SERPINB7: variants seen among roughly 807,000 people sequenced by gnomAD.
The protein encoded by SERPINB7 is serpin family B member 7.
SERPINB7 carries 31 observed loss-of-function variants against 37.4 expected under a neutral mutation model. That is an observed-to-expected ratio of 0.83 (90% CI 0.62 to 1.12). The LOEUF is 1.12. Ranked by LOEUF, SERPINB7 falls within the 50% of genes most tolerant of loss-of-function variation. The pLI is 0.00. For missense variants in SERPINB7, 521 were observed against 455.3 expected, an observed-to-expected ratio of 1.14 and a Z score of -1.31; for synonymous variants, 163 against 166.1, an observed-to-expected ratio of 0.98 and a Z score of 0.14.
At chr18:63,803,476 C>T (rs1490274140) in intron 7 of SERPINB7, among the ~76,000 whole-genome samples, 1 of 152,148 alleles carries the variant, frequency 6.6e-6, no homozygotes, top group Non-Finnish European at 1.5e-5. Context: ...GAAAAATCTT[C>T]TTATTCTAAA....
At position 63,792,399 on chromosome 18, in the gene SERPINB7, C is replaced by A; in HGVS notation, c.175C>A (p.His59Asn). The change falls in exon 3 of 8, where the codon CAT (histidine) becomes AAT (asparagine). Residue 59 changes from histidine (H) to asparagine (N), a missense_variant. By Grantham distance (68) the His-to-Asn change is moderately conservative. Transcript: ENST00000398019. ...DSLSQIDKLL[H>N]VNTASGYGNS... is the part of the protein sequence containing the mutation. ...CCTTGTGCCCTGTTTACAGTTGCTT[C>A]ATGTTAACACTGCCTCAGGATATGG... The A allele has an allele frequency of 1.9e-6, 3 of 1,601,102 alleles. No individual in the cohort carries two copies. In the South Asian group the frequency reaches 3.3e-5, roughly 18 times the overall value.
intron 4 of SERPINB7, among the ~76,000 whole-genome samples, chr18:63,795,627 A>C (rs1032407102): frequency 6.6e-6 from 1 of 152,058 alleles, no homozygotes; most frequent in Non-Finnish European, 1.5e-5. Flanking sequence ...AACCTAGAGA[A>C]GATATCTGTC....
Position 63,775,510 on chromosome 18 carries a change from A to G in SERPINB7, c.-225A>G, listed in dbSNP as rs1035533832. On this transcript the variant is annotated 5_prime_UTR_variant, in exon 1 of 8. Transcript: ENST00000398019. ...AGAATTTTAGAACAAATTTTTGTCT[A>G]GAAATGCTGACTTTGGTTCATTAGG... The G allele has an allele frequency of 5.3e-5, 8 of 152,192 alleles. No homozygotes were observed. The highest frequency in any genetic ancestry group is 1.9e-4 in the African/African-American group (8 of 41,450). 9.4% of individuals were successfully genotyped at this position (152,192 alleles called of 1,614,324 possible).
chr18:63,783,222 G>GAA (rs1568207779), intron 2 of SERPINB7, among the ~76,000 whole-genome samples: 36 of 67,342 alleles, frequency 5.3e-4, no homozygotes, highest in African/African-American at 1.5e-3. Context: ...GAGAGAGAGA[G>GAA]AGAGAGAGAG....
At chr18:63,787,268 C>A (rs1377402132) in intron 2 of SERPINB7, among the ~76,000 whole-genome samples, 1 of 152,054 alleles carries the variant, frequency 6.6e-6, no homozygotes, top group African/African-American at 2.4e-5. Context: ...TGTCTTTAGT[C>A]ATGGTAGTTT....
At chr18:63,771,395 T>A (rs1300902990), upstream of SERPINB7, among the ~76,000 whole-genome samples, 1 of 152,052 alleles carries the variant, frequency 6.6e-6, no homozygotes, top group Non-Finnish European at 1.5e-5. Context: ...ATTCTCAGGT[T>A]TTACTTTTAT....
At chr18:63,758,317 A>G (rs1465883347) in intron 1 of SERPINB7, among the ~76,000 whole-genome samples, 2 of 152,202 alleles carry the variant, frequency 1.3e-5, no homozygotes, top group Non-Finnish European at 2.9e-5. Context: ...AATGGAACAG[A>G]TATCTTTTTC....
intron 1 of SERPINB7, among the ~76,000 whole-genome samples, chr18:63,776,981 T>C (rs2049255279): frequency 1.3e-5 from 2 of 152,038 alleles, no homozygotes; most frequent in African/African-American, 2.4e-5. Context: ...CTTCAAACAG[T>C]CAGCATACTC....
Position 63,804,995 on chromosome 18 carries a change from C to T in SERPINB7, c.*360C>T, listed in dbSNP as rs896302280. ...ATCCTTTTTGAAACTCTACAGTTAT[C>T]GCAGATATTCTAGCTTCATTGTAAG... On this transcript the variant is annotated 3_prime_UTR_variant, in exon 8 of 8. Transcript: ENST00000398019. 5 of 195,598 alleles carry T rather than the reference C, an allele frequency of 2.6e-5. No homozygotes were observed. Among genetic ancestry groups the T allele is most frequent in the Admixed American group, 1.1e-4 (2 of 18,620 alleles). The allele number at this position is 195,598 out of a possible 1,614,324, so 12.1% of individuals were successfully genotyped here.
At chr18:63,761,397 G>A (rs561409616) in intron 1 of SERPINB7, among the ~76,000 whole-genome samples, 235 of 152,296 alleles carry the variant, frequency 1.5e-3, no homozygotes, top group African/African-American at 5.5e-3. Context: ...ATAGACAGAA[G>A]GGACTTGCCT....
intron 1 of SERPINB7, among the ~76,000 whole-genome samples, chr18:63,756,154 C>T (rs533535462): frequency 6.6e-6 from 1 of 152,028 alleles, no homozygotes; most frequent in South Asian, 2.1e-4. Flanking sequence ...TACACATGAA[C>T]TTTTGAGGTT....
Position 63,783,232 on chromosome 18 carries a change from G to GAGAAAGAAAGAAAGAA in SERPINB7, c.168+742_168+757dup, listed in dbSNP as rs761812129. Among the ~76,000 whole-genome samples the GAGAAAGAAAGAAAGAA allele has an allele frequency of 1.1e-3, 43 of 40,730 alleles. 2 individuals carry two copies. Among genetic ancestry groups the GAGAAAGAAAGAAAGAA allele is most frequent in the South Asian group, 3.1e-3 (3 of 972 alleles). 26.7% of individuals were successfully genotyped at this position (40,730 alleles called of 152,430 possible). On this transcript the variant is annotated intron_variant, in intron 2 of 7. Transcript: ENST00000398019. ...AGAGAGAGAGAGAGAGAGAGAGAGAGAGAAAGAAAGAAAGAAAGAAAGAAA... is the reference window on the plus strand; with the variant it reads ...AGAGAGAGAGAGAGAGAGAGAGAGAGAGAAAGAAAGAAAGAAAGAAAGAAAGAAAGAAAGAAAGAAA...
intron 2 of SERPINB7, among the ~76,000 whole-genome samples, chr18:63,786,835 G>A (rs2049378344): frequency 2.0e-5 from 3 of 152,140 alleles, no homozygotes; most frequent in Admixed American, 2.0e-4. Context: ...AGTAAGAAGA[G>A]GAAGAATTGT....
intron 1 of SERPINB7, among the ~76,000 whole-genome samples, chr18:63,756,874 AAG>A (rs2049125659): frequency 6.8e-6 from 1 of 147,832 alleles, no homozygotes; most frequent in South Asian, 2.1e-4. Context: ...GAAACTTATA[AAG>A]ACTCTAATTT....
rs1208497773 is a variant in SERPINB7, at chr18:63,786,231, T to TAC, written c.168+3692_168+3693insCA. On this transcript the variant is annotated intron_variant, in intron 2 of 7. Coordinates refer to ENST00000398019, the MANE Select transcript of SERPINB7 (RefSeq NM_003784.4). ...ACGTGTATATATATATATATATATA[T>TAC]ATACACACACACACATCCACACATT... Among the ~76,000 whole-genome samples, 25 of 101,908 alleles carry TAC rather than the reference T, an allele frequency of 2.5e-4. 1 individual carries two copies. Among genetic ancestry groups the TAC allele is most frequent in the African/African-American group, 7.8e-4 (24 of 30,628 alleles). The allele number at this position is 101,908 out of a possible 152,430, so 66.9% of individuals were successfully genotyped here.
chr18:63,764,363 T>C (rs139725089), intron 1 of SERPINB7, among the ~76,000 whole-genome samples: 2 of 152,310 alleles, frequency 1.3e-5, no homozygotes, highest in East Asian at 3.9e-4. Flanking sequence ...CAAATAAACA[T>C]ATGAGTGACA....
At chr18:63,760,778 G>A (rs979390668) in intron 1 of SERPINB7, among the ~76,000 whole-genome samples, 2 of 152,316 alleles carry the variant, frequency 1.3e-5, no homozygotes, top group South Asian at 4.1e-4. Context: ...GCTTCCATGT[G>A]GTGTTGAGCC....
chr18:63,781,114 G>A (rs1338600616), intron 1 of SERPINB7, among the ~76,000 whole-genome samples: 2 of 152,210 alleles, frequency 1.3e-5, no homozygotes, highest in South Asian at 2.1e-4. Context: ...CTGTGACAAA[G>A]CCAACACAAT....
intron 1 of SERPINB7, among the ~76,000 whole-genome samples, chr18:63,753,431 G>GA (rs996360235): frequency 4.3e-4 from 65 of 151,262 alleles, no homozygotes; most frequent in Middle Eastern, 3.4e-3. Context: ...CTTACCTTAT[G>GA]AAAAAAAAGT....
Sources: allele counts gnomAD v4.1 joint callset (sites outside exome capture counted in the v4.1 genomes callset), GRCh38; gene constraint gnomAD v4.1.1; transcripts MANE v1.5; gene names NCBI Gene and HGNC (gene_info 2026-07-23, HGNC 2026-07-21).